NBAS: variants seen among roughly 807,000 people sequenced by gnomAD.
NBAS encodes NAG/BC035112 fusion.
NBAS carries 219 observed loss-of-function variants against 302.5 expected under a neutral mutation model. The observed-to-expected ratio is 0.72, with a 90% CI of 0.65 to 0.81. The LOEUF is 0.81. Ranked by LOEUF, NBAS falls within the 30% of genes least tolerant of loss-of-function variation. NBAS has a pLI of 0.00. For synonymous variants in NBAS, 1,118 were observed against 1,021.6 expected (o/e 1.09, Z -1.80); for missense variants, 2,932 against 2,841.6 (o/e 1.03, Z -0.72).
chr2:14,941,634 G>A, the NBAS span, among the ~76,000 whole-genome samples: 1 of 149,622 alleles, frequency 6.7e-6, no homozygotes, highest in Non-Finnish European at 1.5e-5. Context: ...GGCTGCTGCT[G>A]TGTGTCACCC....
chr2:15,048,158 C>T, the NBAS span, among the ~76,000 whole-genome samples: 1 of 152,180 alleles, frequency 6.6e-6, no homozygotes, highest in Admixed American at 6.5e-5. Flanking sequence ...CAAGAGCAGC[C>T]CTAGAGGCAG....
At chr2:14,855,042 A>G in the NBAS span, among the ~76,000 whole-genome samples, 1 of 152,212 alleles carries the variant, frequency 6.6e-6, no homozygotes, top group Non-Finnish European at 1.5e-5. Flanking sequence ...AAAAGAGGGA[A>G]GAGTGGTGAG....
chr2:15,025,281 G>GTGGCT, the NBAS span, among the ~76,000 whole-genome samples: 1 of 152,054 alleles, frequency 6.6e-6, no homozygotes, highest in Non-Finnish European at 1.5e-5. Flanking sequence ...TTGTAGGTGT[G>GTGGCT]TGGCTTTATT....
At chr2:14,814,165 C>T in the NBAS span, among the ~76,000 whole-genome samples, 17 of 152,242 alleles carry the variant, frequency 1.1e-4, no homozygotes, top group Non-Finnish European at 2.5e-4. Flanking sequence ...CATGGAGAAC[C>T]TCTACCAGAT....
Position 15,311,387 on chromosome 2 carries a change from A to G in NBAS, c.4583-2140T>C, listed in dbSNP as rs527265446. Among the ~76,000 whole-genome samples, 252 of 152,322 alleles carry G rather than the reference A, an allele frequency of 1.7e-3. 1 individual carries two copies. Among genetic ancestry groups the G allele is most frequent in the Non-Finnish European group, 3.2e-3 (218 of 68,026 alleles). On this transcript the variant is annotated intron_variant, in intron 38 of 51. Coordinates refer to ENST00000281513, the MANE Select transcript of NBAS (RefSeq NM_015909.4). ...AGCATCACTCTAGCACACAGAAAGT[A>G]CCCAGTAGGTTCCCTCCATCCCTCT... is the stretch of plus-strand genomic sequence containing the variant.
chr2:15,314,882 T>C (rs971300350), intron 38 of NBAS, among the ~76,000 whole-genome samples: 1 of 152,314 alleles, frequency 6.6e-6, no homozygotes, highest in Non-Finnish European at 1.5e-5. Flanking sequence ...GGATACAACA[T>C]AGATGAATCT....
chr2:15,149,138 A>G, the NBAS span, among the ~76,000 whole-genome samples: 1 of 152,224 alleles, frequency 6.6e-6, no homozygotes, highest in African/African-American at 2.4e-5. Flanking sequence ...AACACTTAAA[A>G]GGTGATTAGT....
chr2:15,387,823 A>G (rs985019552), intron 28 of NBAS, among the ~76,000 whole-genome samples: 2 of 152,064 alleles, frequency 1.3e-5, no homozygotes, highest in African/African-American at 4.8e-5. Context: ...TTGTAAAAAC[A>G]GGGTTTTGCC....
chr2:14,972,474 G>A, the NBAS span, among the ~76,000 whole-genome samples: 1 of 151,956 alleles, frequency 6.6e-6, no homozygotes, highest in Non-Finnish European at 1.5e-5. Flanking sequence ...TTGTCAAATG[G>A]TACCCTCTGT....
the NBAS span, among the ~76,000 whole-genome samples, chr2:14,929,564 T>G: frequency 0.36 from 54,257 of 151,884 alleles, 9,883 homozygotes; most frequent in African/African-American, 0.44. Context: ...TTTTAGTAGA[T>G]ACAGGGTTTC....
At chr2:15,540,970 C>T (rs946911466) in intron 6 of NBAS, among the ~76,000 whole-genome samples, 3 of 152,000 alleles carry the variant, frequency 2.0e-5, no homozygotes, top group Admixed American at 6.5e-5. Flanking sequence ...GTAATCCGCC[C>T]GCCTCAGCCT....
chr2:14,944,596 C>T, the NBAS span, among the ~76,000 whole-genome samples: 1 of 152,118 alleles, frequency 6.6e-6, no homozygotes, highest in Admixed American at 6.5e-5. Context: ...AAAATGGTGG[C>T]ATACAAGCAA....
At chr2:14,966,761 G>A in the NBAS span, among the ~76,000 whole-genome samples, 461 of 152,152 alleles carry the variant, frequency 3.0e-3, 3 homozygotes, top group East Asian at 0.031. Context: ...GTCCACTCTC[G>A]CCGTTTCTAT....
Position 15,474,290 on chromosome 2 carries a change from A to G in NBAS, c.1376T>C (p.Leu459Ser), listed in dbSNP as rs1458234191. The change falls in exon 15 of 52, where the codon TTG becomes TCG. Residue 459 changes from leucine to serine, a missense_variant. By Grantham distance (145) the Leu-to-Ser change is moderately radical. Transcript: ENST00000281513. The part of the protein sequence containing the change: ...EIKLAPKRSR[L>S]ETRAGEEDEG... ...ATCTTCTTCTCCAGCTCTAGTCTCCAAACGAGATCGTTTGGGGGCAAGTTT... is the reference window on the plus strand; with the variant it reads ...ATCTTCTTCTCCAGCTCTAGTCTCCGAACGAGATCGTTTGGGGGCAAGTTT... The G allele has an allele frequency of 6.2e-7, 1 of 1,613,842 alleles. No homozygotes were observed. The highest frequency in any genetic ancestry group is 1.1e-5 in the South Asian group (1 of 91,014).
chr2:14,918,822 C>A, the NBAS span, among the ~76,000 whole-genome samples: 8 of 151,694 alleles, frequency 5.3e-5, 1 homozygote, highest in Admixed American at 1.3e-4. Flanking sequence ...CTCGGTGATC[C>A]AGTGGGAAAT....
At chr2:15,228,662 A>C (rs1259522486) in intron 47 of NBAS, among the ~76,000 whole-genome samples, 1 of 152,246 alleles carries the variant, frequency 6.6e-6, no homozygotes, top group Non-Finnish European at 1.5e-5. Flanking sequence ...AAACAGTGAA[A>C]TCCTGTCATT....
Position 15,287,116 on chromosome 2 carries a change from C to A in NBAS, c.5095G>T (p.Glu1699Ter), listed in dbSNP as rs187520434. The part of the protein sequence containing the change: ...LAQRYSVSRW[E>*]VFMTHLEFLF... The stretch of plus-strand genomic sequence containing the variant: ...AACTCCAAATGGGTCATAAAAACTT[C>A]CCAGCGGGAGACACTGTAACGTTGT... The change falls in exon 42 of 52, where the codon GAA becomes TAA. Residue 1699 changes from glutamate to a stop codon, truncating the protein, a stop_gained. Transcript: ENST00000281513. LOFTEE classifies it high-confidence loss of function. The A allele has an allele frequency of 1.2e-6, 2 of 1,614,086 alleles. No individual in the cohort carries two copies. Among genetic ancestry groups the A allele is most frequent in the South Asian group, 2.2e-5 (2 of 91,078 alleles).
chr2:15,534,499 A>G, intron 9 of NBAS, 44 bp downstream of exon 9: 1 of 1,371,420 alleles, frequency 7.3e-7, no homozygotes, highest in South Asian at 1.2e-5. Flanking sequence ...ATCTATGCCA[A>G]CATTTCTATG....
chr2:14,854,520 A>C, the NBAS span, among the ~76,000 whole-genome samples: 1 of 151,708 alleles, frequency 6.6e-6, no homozygotes, highest in African/African-American at 2.4e-5. Context: ...ATTGCTGAAA[A>C]AGGTGCTGAA....
Sources: allele counts gnomAD v4.1 joint callset (sites outside exome capture counted in the v4.1 genomes callset), GRCh38; gene constraint gnomAD v4.1.1; transcripts MANE v1.5; gene names NCBI Gene and HGNC (gene_info 2026-07-23, HGNC 2026-07-21).